The following MAP3K19 variants were observed in gnomAD, a reference collection of about 807,000 sequenced individuals.
MAP3K19 encodes the protein SPS1/STE20-related protein kinase YSK4.
Under a neutral mutation model 114.4 loss-of-function variants are expected in MAP3K19, and 91 were observed. The ratio of observed to expected loss-of-function variants is 0.80; its 90% CI spans 0.67 to 0.95. The LOEUF is 0.95. MAP3K19 is among the 40% of genes least tolerant of loss of function. The pLI is 0.00. For missense variants in MAP3K19, 1,471 were observed against 1,573.2 expected (o/e 0.94, Z 1.10); for synonymous variants, 518 against 530.5 (o/e 0.98, Z 0.32).
intron 5 of MAP3K19, among the ~76,000 whole-genome samples, chr2:135,012,376 A>G (rs1687292633): frequency 6.6e-6 from 1 of 152,168 alleles, no homozygotes; most frequent in African/African-American, 2.4e-5. Context: ...AGGGTACTAA[A>G]TTCCACTTTG....
chr2:134,983,703 CT>C lies in MAP3K19; in HGVS notation c.3194del (p.Glu1065GlyfsTer21). 6.3e-7 allele frequency: 1 copy of C among 1,578,078 alleles called. No individual in the cohort carries two copies. The highest frequency in any genetic ancestry group is 8.6e-7 in the Non-Finnish European group (1 of 1,168,060). ...TGCCGTAGGCTCCCTTTCCAAGAAT[CT>C]CACCCTTGGTCCATAGGATAGGTTC... The part of the protein sequence containing the change: ...SEEPILWTKG[E>X]ILGKGAYGTV... On this transcript the variant is annotated frameshift_variant, in exon 11 of 13. Transcript: ENST00000392915. LOFTEE classifies it high-confidence loss of function.
chr2:135,025,733 G>C (rs1401041876), intron 3 of MAP3K19, among the ~76,000 whole-genome samples: 1 of 152,184 alleles, frequency 6.6e-6, no homozygotes, highest in African/African-American at 2.4e-5. Flanking sequence ...TGGTTGGTAA[G>C]CCCAACTGGC....
At chr2:134,991,905 G>A (rs1227535986) in intron 8 of MAP3K19, among the ~76,000 whole-genome samples, 1 of 152,136 alleles carries the variant, frequency 6.6e-6, no homozygotes, top group South Asian at 2.1e-4. Context: ...ACAGGGCAAC[G>A]TGATGAGAGC....
intron 2 of MAP3K19, among the ~76,000 whole-genome samples, chr2:135,034,296 C>G (rs1433596961): frequency 2.3e-5 from 3 of 128,930 alleles, no homozygotes; most frequent in Admixed American, 1.6e-4. Context: ...GGATGGCGGC[C>G]GGGAAGAGGC....
intron 12 of MAP3K19, among the ~76,000 whole-genome samples, chr2:134,975,950 C>T (rs1326104739): frequency 6.6e-6 from 1 of 152,190 alleles, no homozygotes; most frequent in East Asian, 1.9e-4. Flanking sequence ...GTAGGCAGTT[C>T]TTAGGCACTG....
Position 135,005,498 on chromosome 2 carries a change from T to G in MAP3K19, c.172A>C (p.Thr58Pro). 6.2e-7 allele frequency: 1 copy of G among 1,614,104 alleles called. No individual in the cohort carries two copies. Among genetic ancestry groups the G allele is most frequent in the African/African-American group, 1.3e-5 (1 of 75,038 alleles). ...FDQDGDCSHS[T>P]LVNEEEDPSG... ...GGATCTTCTTCTTCATTAACCAGTG[T>G]GGAATGACTGCAGTCACCATCTTGG... Residue 58 changes from threonine (T) to proline (P), a missense_variant, in exon 6 of 13, where the codon ACA becomes CCA. Transcript: ENST00000392915.
At chr2:134,977,893 G>A (rs1684363213) in intron 12 of MAP3K19, among the ~76,000 whole-genome samples, 1 of 152,160 alleles carries the variant, frequency 6.6e-6, no homozygotes, top group Non-Finnish European at 1.5e-5. Flanking sequence ...TTCCTCTATA[G>A]AAATTGCCCT....
At chr2:135,044,622 G>T (rs964664265) in intron 1 of MAP3K19, among the ~76,000 whole-genome samples, 2 of 152,154 alleles carry the variant, frequency 1.3e-5, no homozygotes, top group African/African-American at 4.8e-5. Context: ...AAGATGTAAT[G>T]GAACTAGTAT....
intron 3 of MAP3K19, among the ~76,000 whole-genome samples, chr2:135,028,015 T>C (rs1359980522): frequency 6.6e-6 from 1 of 152,224 alleles, no homozygotes; most frequent in Non-Finnish European, 1.5e-5. Flanking sequence ...GATGTATTTA[T>C]ACAAAAAACT....
chr2:134,991,485 T>C, intron 9 of MAP3K19, 52 bp downstream of exon 9: 1 of 1,482,628 alleles, frequency 6.7e-7, no homozygotes, highest in Non-Finnish European at 9.4e-7. Flanking sequence ...AATTAGTGAA[T>C]AGAGTTGTTT....
rs1178005751 is a variant in MAP3K19 at position 135,034,297 on chromosome 2, G to A, written c.-283-3797C>T. Among the ~76,000 whole-genome samples, 3 of 128,640 alleles carry A rather than the reference G, an allele frequency of 2.3e-5. 1 individual carries two copies. The highest frequency in any genetic ancestry group is 7.9e-5 in the Admixed American group (1 of 12,592). The allele number at this position is 128,640 out of a possible 152,430, so 84.4% of individuals were successfully genotyped here. On this transcript the variant is annotated intron_variant, in intron 2 of 12. Coordinates refer to ENST00000392915, the MANE Select transcript of MAP3K19 (RefSeq NM_025052.5). ...TCACTTCCCAGACGGGATGGCGGCC[G>A]GGAAGAGGCACTCCTCACTTTCCAG...
intron 2 of MAP3K19, among the ~76,000 whole-genome samples, chr2:135,035,645 G>T (rs1457333945): frequency 6.6e-6 from 1 of 152,086 alleles, no homozygotes; most frequent in African/African-American, 2.4e-5. Context: ...CATGGAAGTG[G>T]CCACTTTAAG....
At chr2:134,977,126 C>T (rs772017695) in intron 12 of MAP3K19, among the ~76,000 whole-genome samples, 2 of 151,060 alleles carry the variant, frequency 1.3e-5, no homozygotes, top group Admixed American at 1.3e-4. Flanking sequence ...AATCTCTCTC[C>T]TTTAAAATCC....
At chr2:134,997,897 AT>A (rs1474803367) in intron 8 of MAP3K19, among the ~76,000 whole-genome samples, 1 of 151,620 alleles carries the variant, frequency 6.6e-6, no homozygotes, top group Non-Finnish European at 1.5e-5. Context: ...CATAATAATT[AT>A]TCTTTTTTTT....
At chr2:135,043,534 C>G (rs1221319114) in intron 1 of MAP3K19, among the ~76,000 whole-genome samples, 2 of 152,114 alleles carry the variant, frequency 1.3e-5, no homozygotes, top group East Asian at 3.8e-4. Flanking sequence ...TCCACTGCCC[C>G]CTACTGGCCT....
intron 5 of MAP3K19, among the ~76,000 whole-genome samples, chr2:135,014,803 T>C (rs1687474209): frequency 6.6e-6 from 1 of 152,240 alleles, no homozygotes; most frequent in Non-Finnish European, 1.5e-5. Flanking sequence ...TTTAATTTTT[T>C]ATGTCTGGTT....
chr2:135,015,497 T>C (rs1255214312), intron 5 of MAP3K19, among the ~76,000 whole-genome samples: 1 of 152,204 alleles, frequency 6.6e-6, no homozygotes, highest in Non-Finnish European at 1.5e-5. Context: ...TGCTTATTAT[T>C]ATCTTAATGA....
At chr2:134,968,335 C>T (rs908133477) in intron 12 of MAP3K19, among the ~76,000 whole-genome samples, 3 of 151,648 alleles carry the variant, frequency 2.0e-5, no homozygotes, top group Non-Finnish European at 2.9e-5. Context: ...TCCACAAAAC[C>T]GCCATTGTCA....
At chr2:134,995,895 C>T (rs1426047905) in intron 8 of MAP3K19, among the ~76,000 whole-genome samples, 1 of 151,832 alleles carries the variant, frequency 6.6e-6, no homozygotes, top group Non-Finnish European at 1.5e-5. Context: ...CCATTCTAAA[C>T]ATGATATTTA....
Sources: gnomAD v4.1 joint callset for allele counts (sites outside exome capture counted in the v4.1 genomes callset) on GRCh38, gnomAD v4.1.1 for gene constraint, MANE v1.5 for transcripts, NCBI Gene and HGNC (gene_info 2026-07-23, HGNC 2026-07-21) for gene names.